The following PDE7B variants were observed in gnomAD, a reference collection of about 807,000 sequenced individuals.
PDE7B encodes the protein phosphodiesterase 7B.
In PDE7B, 29 loss-of-function variants were observed where a neutral mutation model predicts 56.2. The observed-to-expected ratio is 0.52, with a 90% CI of 0.38 to 0.70. PDE7B has a LOEUF of 0.70. PDE7B is among the 30% of genes least tolerant of loss of function. PDE7B has a pLI of 0.00. For missense variants in PDE7B, 490 were observed against 565.0 expected (o/e 0.87, Z 1.35); for synonymous variants, 197 against 196.9 (o/e 1.00, Z 0.00).
At chr6:135,965,685 C>A (rs1467986173) in intron 2 of PDE7B, among the ~76,000 whole-genome samples, 2 of 152,142 alleles carry the variant, frequency 1.3e-5, no homozygotes, top group East Asian at 1.9e-4. Context: ...GGGAACCGAA[C>A]CTCATGATTC....
At chr6:136,059,590 G>T (rs1776801210) in intron 2 of PDE7B, among the ~76,000 whole-genome samples, 1 of 152,128 alleles carries the variant, frequency 6.6e-6, no homozygotes, top group African/African-American at 2.4e-5. Context: ...TGGCTTTGCT[G>T]CAGTTGAGCG....
chr6:136,152,367 G>C (rs1778534749), intron 6 of PDE7B, among the ~76,000 whole-genome samples: 1 of 152,120 alleles, frequency 6.6e-6, no homozygotes, highest in Admixed American at 6.5e-5. Flanking sequence ...TTTATGTAGT[G>C]CCCACTATGA....
chr6:136,173,990 C>T, intron 9 of PDE7B, 102 bp downstream of exon 9: 3 of 794,030 alleles, frequency 3.8e-6, no homozygotes, highest in Non-Finnish European at 6.5e-6. Flanking sequence ...GCAGAGAGCC[C>T]CCCGGCTGTA....
chr6:135,978,795 T>G (rs568904096), intron 2 of PDE7B, among the ~76,000 whole-genome samples: 4 of 152,262 alleles, frequency 2.6e-5, no homozygotes, highest in Admixed American at 2.6e-4. Flanking sequence ...AATGGGGTTT[T>G]CTAGATATAC....
intron 8 of PDE7B, 128 bp downstream of exon 8, chr6:136,155,886 A>G (rs766778762): frequency 6.0e-6 from 6 of 1,000,378 alleles, no homozygotes; most frequent in Non-Finnish European, 9.4e-6. Flanking sequence ...CGAATGAAAC[A>G]CAATCTCTGC....
chr6:136,128,543 G>C (rs937030227), intron 3 of PDE7B, among the ~76,000 whole-genome samples: 1 of 151,976 alleles, frequency 6.6e-6, no homozygotes, highest in African/African-American at 2.4e-5. Context: ...TTATTTTGTT[G>C]TGAGAACTGG....
chr6:136,088,504 T>C (rs1777329431), intron 2 of PDE7B, among the ~76,000 whole-genome samples: 1 of 152,134 alleles, frequency 6.6e-6, no homozygotes, highest in Non-Finnish European at 1.5e-5. Flanking sequence ...GTCTTCAAAC[T>C]TTTGAAGACA....
intron 1 of PDE7B, among the ~76,000 whole-genome samples, chr6:135,884,039 T>C (rs1257545069): frequency 2.0e-5 from 3 of 152,234 alleles, no homozygotes; most frequent in African/African-American, 7.2e-5. Context: ...AAATGTTTCA[T>C]GTAAAATAAT....
Position 136,191,246 on chromosome 6 carries a change from T to C in PDE7B, c.1127-368T>C, listed in dbSNP as rs180743526. 3.4e-3 allele frequency among the ~76,000 whole-genome samples: 522 copies of C among 152,312 alleles called. 2 individuals are homozygous for C. Among genetic ancestry groups the C allele is most frequent in the Non-Finnish European group, 5.1e-3 (345 of 68,032 alleles). On this transcript the variant is annotated intron_variant, in intron 12 of 12. Coordinates refer to ENST00000308191, the MANE Select transcript of PDE7B (RefSeq NM_018945.4). ...GGGACAAGCCCAAAGTGACACATCTTATGCTCCTAGGCTGAGGGTAGCCAC... is the reference window on the plus strand; with the variant it reads ...GGGACAAGCCCAAAGTGACACATCTCATGCTCCTAGGCTGAGGGTAGCCAC...
intron 2 of PDE7B, among the ~76,000 whole-genome samples, chr6:136,088,432 G>C (rs372931057): frequency 1.4e-4 from 22 of 152,234 alleles, no homozygotes; most frequent in African/African-American, 4.6e-4. Flanking sequence ...GCACTAAGCT[G>C]GATGCCCCTG....
intron 2 of PDE7B, among the ~76,000 whole-genome samples, chr6:136,060,269 G>A (rs1216856361): frequency 5.3e-5 from 8 of 152,140 alleles, no homozygotes; most frequent in Non-Finnish European, 8.8e-5. Flanking sequence ...TGGGGAAAGG[G>A]AGTGATTCTT....
chr6:135,974,296 T>A (rs1449010703), intron 2 of PDE7B, among the ~76,000 whole-genome samples: 1 of 150,776 alleles, frequency 6.6e-6, no homozygotes, highest in African/African-American at 2.4e-5. Context: ...TATATACATA[T>A]ATATATATCT....
intron 8 of PDE7B, among the ~76,000 whole-genome samples, chr6:136,158,520 T>A (rs761371841): frequency 1.3e-5 from 2 of 152,168 alleles, no homozygotes; most frequent in Admixed American, 6.5e-5. Flanking sequence ...GGGCTTCCTC[T>A]CCCTCCTTCT....
At chr6:136,156,192 T>A (rs1778601841) in intron 8 of PDE7B, 1 of 335,410 alleles carries the variant, frequency 3.0e-6, no homozygotes, top group Non-Finnish European at 5.8e-6. Flanking sequence ...TGTGTGTGTG[T>A]GTGTGTGTGT....
rs184005484 is a variant in PDE7B, at chr6:135,883,372, G to A, written c.21+31353G>A. On this transcript the variant is annotated intron_variant, in intron 1 of 12. Coordinates refer to ENST00000308191, the MANE Select transcript of PDE7B (RefSeq NM_018945.4). ...CTGCTGCTTAAATAATAACAATTCAGCAAAGTTAAGTGAGGACTGTCTCTC... is the reference window on the plus strand; with the variant it reads ...CTGCTGCTTAAATAATAACAATTCAACAAAGTTAAGTGAGGACTGTCTCTC... Among the ~76,000 whole-genome samples the A allele has an allele frequency of 2.6e-4, 39 of 152,180 alleles. 1 individual carries two copies. In the East Asian group the frequency reaches 7.1e-3, roughly 28 times the overall value.
rs1265768057 is a variant in PDE7B, at chr6:136,184,412, A to G, written c.1046-2624A>G. Among the ~76,000 whole-genome samples, 3 of 152,238 alleles carry G rather than the reference A, an allele frequency of 2.0e-5. No homozygotes were observed. The East Asian group carries it at 5.8e-4, about 29-fold the overall frequency. ...GATGTGCATTGTTCTATACTTTCCA[A>G]TATGGTAACAAGACACATGTGACTG... On this transcript the variant is annotated intron_variant, in intron 11 of 12. Coordinates refer to ENST00000308191, the MANE Select transcript of PDE7B (RefSeq NM_018945.4).
At chr6:136,164,259 G>T (rs1052220973) in intron 8 of PDE7B, among the ~76,000 whole-genome samples, 1 of 152,092 alleles carries the variant, frequency 6.6e-6, no homozygotes. Context: ...AAGCCAAGGG[G>T]ATAAAGCCCC....
At chr6:136,141,456 G>A (rs1422795518) in intron 3 of PDE7B, among the ~76,000 whole-genome samples, 1 of 152,076 alleles carries the variant, frequency 6.6e-6, no homozygotes, top group Non-Finnish European at 1.5e-5. Context: ...GCCAGGCTTT[G>A]GTATCAGGAT....
At chr6:136,178,622 G>C (rs115681864) in intron 9 of PDE7B, among the ~76,000 whole-genome samples, 1 of 151,796 alleles carries the variant, frequency 6.6e-6, no homozygotes, top group Non-Finnish European at 1.5e-5. Context: ...TTCTCTCTCC[G>C]TGCACATCTT....
Sources: allele counts gnomAD v4.1 joint callset (sites outside exome capture counted in the v4.1 genomes callset), GRCh38; gene constraint gnomAD v4.1.1; transcripts MANE v1.5; gene names NCBI Gene and HGNC (gene_info 2026-07-23, HGNC 2026-07-21).